Variants in COL8A1 observed in about 807,000 individuals in gnomAD.
COL8A1 encodes the protein collagen type VIII alpha 1 chain.
In COL8A1, 21 loss-of-function variants were observed where a neutral mutation model predicts 42.7. The ratio of observed to expected loss-of-function variants is 0.49; its 90% confidence interval spans 0.35 to 0.71. The LOEUF is 0.71. COL8A1 is among the 30% of genes least tolerant of loss of function. The pLI is 0.01. For synonymous variants in COL8A1, 367 were observed against 369.1 expected (o/e 0.99, Z 0.06); for missense variants, 788 against 962.4 (o/e 0.82, Z 2.40).
At chr3:99,658,268 C>T (rs1938091934) in intron 1 of COL8A1, among the ~76,000 whole-genome samples, 1 of 152,258 alleles carries the variant, frequency 6.6e-6, no homozygotes, top group African/African-American at 2.4e-5. Context: ...ACCAGCCCCA[C>T]CCTGCACTAC....
At chr3:99,678,676 G>T (rs1201147046) in intron 1 of COL8A1, 1 of 151,982 alleles carries the variant, frequency 6.6e-6, no homozygotes, top group Non-Finnish European at 1.5e-5. Context: ...TGACAGAATG[G>T]TCTATTCTCC....
At chr3:99,771,928 T>C (rs1282717311) in intron 2 of COL8A1, among the ~76,000 whole-genome samples, 3 of 152,178 alleles carry the variant, frequency 2.0e-5, no homozygotes, top group Non-Finnish European at 4.4e-5. Flanking sequence ...AGAACTCTAG[T>C]AAAAGACAAC....
intron 1 of COL8A1, among the ~76,000 whole-genome samples, chr3:99,735,792 TG>T (rs1235521301): frequency 2.6e-5 from 4 of 152,154 alleles, no homozygotes; most frequent in Non-Finnish European, 5.9e-5. Flanking sequence ...GGACTCTTTT[TG>T]CTTGGTAAGC....
intron 1 of COL8A1, among the ~76,000 whole-genome samples, chr3:99,665,706 A>C: frequency 8.5e-6 from 1 of 117,750 alleles, no homozygotes; most frequent in Non-Finnish European, 1.7e-5. Context: ...TTTGAGACAC[A>C]GTTTCACTCT....
intron 2 of COL8A1, among the ~76,000 whole-genome samples, chr3:99,781,191 AC>A (rs1941787645): frequency 6.6e-6 from 1 of 152,224 alleles, no homozygotes; most frequent in African/African-American, 2.4e-5. Flanking sequence ...ATTTTCACTG[AC>A]CAAGAAATTG....
intron 1 of COL8A1, among the ~76,000 whole-genome samples, chr3:99,658,657 A>T (rs913807449): frequency 6.6e-6 from 1 of 152,244 alleles, no homozygotes; most frequent in Non-Finnish European, 1.5e-5. Context: ...AACAAATGAT[A>T]TTCAGAGAAG....
At chr3:99,727,763 T>A (rs1487742317) in intron 1 of COL8A1, among the ~76,000 whole-genome samples, 3 of 151,914 alleles carry the variant, frequency 2.0e-5, no homozygotes, top group Non-Finnish European at 2.9e-5. Context: ...GCAAACCGAA[T>A]CCAGCAGCAC....
intron 2 of COL8A1, among the ~76,000 whole-genome samples, chr3:99,767,436 A>G (rs980489036): frequency 6.6e-6 from 1 of 152,240 alleles, no homozygotes; most frequent in African/African-American, 2.4e-5. Flanking sequence ...AAAACTACAT[A>G]CATTTATCTT....
At chr3:99,678,551 T>G (rs924676270) in intron 1 of COL8A1, 8 of 152,024 alleles carry the variant, frequency 5.3e-5, no homozygotes, top group Admixed American at 5.2e-4. Flanking sequence ...TTCTCCCAGA[T>G]AGTAGCGTAG....
chr3:99,729,391 T>C (rs1940433263), intron 1 of COL8A1, among the ~76,000 whole-genome samples: 1 of 152,046 alleles, frequency 6.6e-6, no homozygotes, highest in South Asian at 2.1e-4. Flanking sequence ...CTTTACCAGA[T>C]TATTTAGGTT....
At chr3:99,720,913 G>T (rs1940131396) in intron 1 of COL8A1, among the ~76,000 whole-genome samples, 2 of 152,222 alleles carry the variant, frequency 1.3e-5, no homozygotes, top group East Asian at 3.9e-4. Context: ...TGGGAGGAAA[G>T]ACCTTCATAG....
At chr3:99,649,216 C>T (rs1023492526) in intron 1 of COL8A1, among the ~76,000 whole-genome samples, 4 of 152,108 alleles carry the variant, frequency 2.6e-5, no homozygotes, top group Non-Finnish European at 2.9e-5. Flanking sequence ...CTAGAACTCT[C>T]TGTACAAGCC....
intron 1 of COL8A1, among the ~76,000 whole-genome samples, chr3:99,715,031 T>C (rs1284164331): frequency 6.6e-5 from 10 of 152,024 alleles, no homozygotes; most frequent in Non-Finnish European, 1.5e-4. Flanking sequence ...TTTGTGGTTG[T>C]AGGAAAACAA....
chr3:99,694,036 C>A (rs1939297922), intron 1 of COL8A1, among the ~76,000 whole-genome samples: 1 of 152,200 alleles, frequency 6.6e-6, no homozygotes, highest in Non-Finnish European at 1.5e-5. Flanking sequence ...AGCCTAGGAG[C>A]AACAGGCTAT....
chr3:99,705,772 G>GC (rs544721375), intron 1 of COL8A1, among the ~76,000 whole-genome samples: 82 of 151,888 alleles, frequency 5.4e-4, no homozygotes, highest in African/African-American at 1.8e-3. Flanking sequence ...ATAAACTCCT[G>GC]CCCCCCCGGT....
At chr3:99,721,806 T>C (rs1010782480) in intron 1 of COL8A1, among the ~76,000 whole-genome samples, 2 of 151,776 alleles carry the variant, frequency 1.3e-5, no homozygotes, top group African/African-American at 4.8e-5. Flanking sequence ...AAAGTCAGGC[T>C]GATATGTGAA....
At chr3:99,763,566 G>A (rs937566130) in intron 2 of COL8A1, among the ~76,000 whole-genome samples, 29 of 152,042 alleles carry the variant, frequency 1.9e-4, no homozygotes, top group African/African-American at 4.6e-4. Flanking sequence ...CTATGAGGTC[G>A]GTATTATTAT....
Position 99,794,250 on chromosome 3 carries a change from C to A in COL8A1, c.349C>A (p.Arg117=). The part of the protein sequence containing the change: ...KGKEIPLASL[R]GEQGPRGEPG... Reference sequence around the variant, plus strand: ...AGTAGAAATACCATTAGCCAGTTTACGAGGGGAACAAGGTCCCCGTGGAGA... The same window carrying A: ...AGTAGAAATACCATTAGCCAGTTTAAGAGGGGAACAAGGTCCCCGTGGAGA... Residue 117 remains arginine, a synonymous_variant, in exon 4 of 4, where the codon CGA becomes AGA. Coordinates refer to ENST00000652472, the MANE Select transcript of COL8A1 (RefSeq NM_020351.4). The surrounding 1 kb of genome is among the most constrained non-coding windows in gnomAD (Gnocchi z 4.3). 1 of 1,589,294 alleles carries A rather than the reference C, an allele frequency of 6.3e-7. No individual in the cohort carries two copies. The highest frequency in any genetic ancestry group is 8.6e-7 in the Non-Finnish European group (1 of 1,169,054).
At chr3:99,670,010 GCA>G (rs1938493087) in intron 1 of COL8A1, among the ~76,000 whole-genome samples, 1 of 151,910 alleles carries the variant, frequency 6.6e-6, no homozygotes, top group South Asian at 2.1e-4. Flanking sequence ...TCAAAAACAG[GCA>G]ATACATCACC....
Sources: allele counts gnomAD v4.1 joint callset (sites outside exome capture counted in the v4.1 genomes callset), GRCh38; gene constraint gnomAD v4.1.1; non-coding constraint Gnocchi (gnomAD v3.1); transcripts MANE v1.5; gene names NCBI Gene and HGNC (gene_info 2026-07-23, HGNC 2026-07-21).